SYTL3: variants seen among roughly 807,000 people sequenced by gnomAD.
SYTL3 encodes synaptotagmin-like protein 3.
Under a neutral mutation model 82.1 loss-of-function variants are expected in SYTL3, and 88 were observed. That is an observed-to-expected ratio of 1.07 (90% CI 0.90 to 1.28). The LOEUF is 1.28. Ranked by LOEUF, SYTL3 falls within the 50% of genes most tolerant of loss-of-function variation. SYTL3 has a pLI of 0.00. For missense variants in SYTL3, 831 were observed against 757.6 expected, an observed-to-expected ratio of 1.10 and a Z score of -1.14; for synonymous variants, 311 against 289.4, an observed-to-expected ratio of 1.07 and a Z score of -0.76.
intron 6 of SYTL3, among the ~76,000 whole-genome samples, chr6:158,695,266 C>T (rs1583266602): frequency 1.3e-5 from 2 of 152,156 alleles, no homozygotes; most frequent in African/African-American, 2.4e-5. Flanking sequence ...AATACAACAA[C>T]GTTTTCATGC....
intron 10 of SYTL3, among the ~76,000 whole-genome samples, 173 bp from the exon 11 acceptor site, chr6:158,725,314 GGTGTGTGTGTGCGTGT>G (rs1784578314): frequency 1.3e-5 from 2 of 151,700 alleles, no homozygotes; most frequent in Non-Finnish European, 2.9e-5. Context: ...GCGCGTGTGT[GGTGTGTGTGTGCGTGT>G]GTGTGTGTGT....
chr6:158,715,613 A>ACACACACACACACG (rs1291340388), intron 9 of SYTL3, among the ~76,000 whole-genome samples: 1 of 141,834 alleles, frequency 7.1e-6, no homozygotes. Flanking sequence ...ACACACACAC[A>ACACACACACACACG]CACGCACGCA....
intron 2 of SYTL3, among the ~76,000 whole-genome samples, chr6:158,660,398 G>A (rs567185207): frequency 1.3e-5 from 2 of 152,342 alleles, no homozygotes; most frequent in African/African-American, 4.8e-5. Flanking sequence ...TCTGTAACGC[G>A]GAGTGAATGG....
chr6:158,735,678 A>C (rs894403377), intron 11 of SYTL3, among the ~76,000 whole-genome samples: 2 of 152,254 alleles, frequency 1.3e-5, no homozygotes, highest in African/African-American at 4.8e-5. Context: ...TTATTACAGA[A>C]GTATAAAGCC....
chr6:158,675,816 G>C (rs1482502647), intron 5 of SYTL3, among the ~76,000 whole-genome samples: 1 of 152,176 alleles, frequency 6.6e-6, no homozygotes, highest in Admixed American at 6.5e-5. Context: ...CGGGCGCGGT[G>C]GTGGGCACCT....
chr6:158,695,698 C>T (rs1478876049), intron 6 of SYTL3, among the ~76,000 whole-genome samples: 3 of 152,178 alleles, frequency 2.0e-5, no homozygotes, highest in Non-Finnish European at 4.4e-5. Flanking sequence ...TCTCCATCCT[C>T]CCCTTCCCCC....
At chr6:158,649,119 T>G (rs1787715115), upstream of SYTL3, among the ~76,000 whole-genome samples, 1 of 152,230 alleles carries the variant, frequency 6.6e-6, no homozygotes, top group African/African-American at 2.4e-5. Flanking sequence ...CGCTGGCATT[T>G]GTTCCAATGG....
chr6:158,728,796 C>T lies in SYTL3; in HGVS notation c.855+3159C>T, dbSNP rs9457454. Among the ~76,000 whole-genome samples the T allele has an allele frequency of 3.7e-3, 571 of 152,288 alleles. 5 individuals are homozygous for T. Among genetic ancestry groups the T allele is most frequent in the African/African-American group, 0.013 (544 of 41,560 alleles). On this transcript the variant is annotated intron_variant, in intron 11 of 17. Coordinates refer to ENST00000611299, the MANE Select transcript of SYTL3 (RefSeq NM_001242394.2). ...TCTACTAAAAATACAAAAAATTAGC[C>T]GGGCGCGGTGGCGCCACTGCACTCC...
At chr6:158,649,805 C>G (rs1787772090), upstream of SYTL3, among the ~76,000 whole-genome samples, 1 of 152,148 alleles carries the variant, frequency 6.6e-6, no homozygotes, top group Non-Finnish European at 1.5e-5. Flanking sequence ...TGAAACATTT[C>G]ACCAGCATCA....
At chr6:158,703,984 G>A (rs956170481) in intron 6 of SYTL3, among the ~76,000 whole-genome samples, 2 of 151,598 alleles carry the variant, frequency 1.3e-5, no homozygotes, top group African/African-American at 4.8e-5. Flanking sequence ...CTCATGCCCG[G>A]CTAGGCTAAT....
intron 13 of SYTL3, among the ~76,000 whole-genome samples, chr6:158,756,465 T>C (rs1789080184): frequency 6.6e-6 from 1 of 152,046 alleles, no homozygotes; most frequent in Non-Finnish European, 1.5e-5. Flanking sequence ...ATCCCAGCAA[T>C]TTGGGAGGCC....
In SYTL3 at chr6:158,720,128, A is replaced by G. The variant is rs1371884453; in HGVS notation, c.720+1917A>G. On this transcript the variant is annotated intron_variant, in intron 10 of 17. Coordinates refer to ENST00000611299, the MANE Select transcript of SYTL3 (RefSeq NM_001242394.2). ...TAAAAATTTTAAAAATTGGCCGGGC[A>G]CCATGGCTCATGCCTGTAATCCCAG... Among the ~76,000 whole-genome samples, 4 of 151,064 alleles carry G rather than the reference A, an allele frequency of 2.6e-5. No homozygotes were observed. In the East Asian group the frequency reaches 7.9e-4, roughly 30 times the overall value.
At chr6:158,702,035 C>T (rs886511385) in intron 6 of SYTL3, among the ~76,000 whole-genome samples, 1 of 151,878 alleles carries the variant, frequency 6.6e-6, no homozygotes, top group Non-Finnish European at 1.5e-5. Flanking sequence ...TGCAGTGCTG[C>T]GATTATAGCT....
chr6:158,712,532 A>G (rs1173556966), intron 8 of SYTL3, among the ~76,000 whole-genome samples: 1 of 152,202 alleles, frequency 6.6e-6, no homozygotes, highest in Non-Finnish European at 1.5e-5. Context: ...GGTCCCCCTA[A>G]CATGATGCAA....
At chr6:158,696,525 A>T (rs1780579799) in intron 6 of SYTL3, among the ~76,000 whole-genome samples, 1 of 151,780 alleles carries the variant, frequency 6.6e-6, no homozygotes, top group Non-Finnish European at 1.5e-5. Context: ...TATAACACTT[A>T]TTTTATATTT....
chr6:158,673,506 C>T (rs142103200), intron 5 of SYTL3, among the ~76,000 whole-genome samples: 4,606 of 148,074 alleles, frequency 0.031, 264 homozygotes, highest in African/African-American at 0.11. Context: ...GTGGGGCGAT[C>T]TCGGCTCACT....
chr6:158,691,126 CGTTTGAGGCCAGGA>C (rs547892349), intron 6 of SYTL3, among the ~76,000 whole-genome samples: 3 of 152,014 alleles, frequency 2.0e-5, no homozygotes, highest in Admixed American at 6.6e-5. Flanking sequence ...GTGGGAGGAT[CGTTTGAGGCCAGGA>C]GTTTGAGGCC....
chr6:158,705,395 G>A (rs1171272485), intron 6 of SYTL3, among the ~76,000 whole-genome samples: 5 of 146,704 alleles, frequency 3.4e-5, no homozygotes, highest in Admixed American at 2.7e-4. Context: ...AGTGAGGGCT[G>A]TAAGGCCACG....
rs568347460 is a variant in SYTL3, at chr6:158,713,788, T to C, written c.517-12T>C. The C allele has an allele frequency of 2.6e-6, 4 of 1,534,436 alleles. No individual in the cohort carries two copies. The African/African-American group carries it at 5.5e-5, about 21-fold the overall frequency. On this transcript the variant is annotated splice_polypyrimidine_tract_variant and intron_variant, in intron 8 of 17. Transcript: ENST00000611299. ...GCATAATTCTCATTCTCTCCTTCTG[T>C]CTCTGTTTTAGTTACAGGAATTTGG...
Sources: gnomAD v4.1 joint callset for allele counts (sites outside exome capture counted in the v4.1 genomes callset) on GRCh38, gnomAD v4.1.1 for gene constraint, MANE v1.5 for transcripts, NCBI Gene and HGNC (gene_info 2026-07-23, HGNC 2026-07-21) for gene names.